GALC: variants seen among roughly 807,000 people sequenced by gnomAD.
GALC encodes galactocerebrosidase.
A neutral mutation model predicts 91.8 loss-of-function variants in GALC; 77 were observed. The ratio of observed to expected loss-of-function variants is 0.84; its 90% CI spans 0.70 to 1.01. GALC has a LOEUF of 1.01. Among genes scored for constraint, GALC ranks in the 50% least tolerant of loss-of-function variants. GALC has a pLI of 0.00. For synonymous variants in GALC, 357 were observed against 306.7 expected (o/e 1.16, Z -1.71); for missense variants, 882 against 855.9 (o/e 1.03, Z -0.38).
intron 16 of GALC, among the ~76,000 whole-genome samples, chr14:87,937,671 A>T (rs1884639586): frequency 6.6e-6 from 1 of 151,864 alleles, no homozygotes; most frequent in African/African-American, 2.4e-5. Flanking sequence ...GGGGTCAAGA[A>T]GAAGGAACAG....
rs532800656 is a variant in GALC at position 87,993,045 on chromosome 14, G to A, written c.120C>T (p.Gly40=). The part of the protein sequence containing the change: ...PLLLCALLAP[G]GAYVLDDSDG... Reference sequence around the variant, plus strand: ...CGGAGTCGTCGAGCACGTACGCGCCGCCGGGCGCCAGCAGCGCACACAGCA... The same window carrying A: ...CGGAGTCGTCGAGCACGTACGCGCCACCGGGCGCCAGCAGCGCACACAGCA... The change falls in exon 1 of 17, where the codon GGC becomes GGT. Residue 40 remains glycine (G), a synonymous_variant. Coordinates refer to ENST00000261304, the MANE Select transcript of GALC (RefSeq NM_000153.4). 4.7e-5 allele frequency: 73 copies of A among 1,556,094 alleles called. 1 individual carries two copies. In the Middle Eastern group the frequency reaches 1.8e-3, roughly 38 times the overall value.
chr14:87,953,139 G>A, intron 10 of GALC: 1 of 1,481,698 alleles, frequency 6.7e-7, no homozygotes. Context: ...CTTGAACACA[G>A]TAGATAAGCC....
rs183343181 is a variant in GALC, at chr14:87,948,952, C to G, written c.1338+893G>C. ...CCAATTCGTTCTTTGAAACCTTTCC[C>G]CAGAAAGCACCATGGATGAGGCACT... On this transcript the variant is annotated intron_variant, in intron 12 of 16. Coordinates refer to ENST00000261304, the MANE Select transcript of GALC (RefSeq NM_000153.4). 4.3e-4 allele frequency among the ~76,000 whole-genome samples: 65 copies of G among 152,068 alleles called. 1 individual carries two copies. In the East Asian group the frequency reaches 0.01, roughly 24 times the overall value.
intron 10 of GALC, among the ~76,000 whole-genome samples, chr14:87,951,633 A>G (rs553671951): frequency 2.0e-5 from 3 of 152,054 alleles, no homozygotes; most frequent in Admixed American, 2.0e-4. Flanking sequence ...CAAGTCACAC[A>G]AAGTACTTTT....
At chr14:87,945,856 C>A (rs955439957) in intron 13 of GALC, 123 bp from the exon 14 acceptor site, 2 of 763,568 alleles carry the variant, frequency 2.6e-6, no homozygotes, top group African/African-American at 1.8e-5. Context: ...AAAATCTAAA[C>A]CAAAGTTTAG....
At chr14:87,936,451 G>T (rs1421963538) in intron 16 of GALC, among the ~76,000 whole-genome samples, 1 of 151,206 alleles carries the variant, frequency 6.6e-6, no homozygotes, top group African/African-American at 2.4e-5. Context: ...TATTGTCTAT[G>T]GCTTTTTTAC....
At chr14:87,982,748 T>C (rs79844015) in intron 5 of GALC, among the ~76,000 whole-genome samples, 1 of 152,210 alleles carries the variant, frequency 6.6e-6, no homozygotes, top group Non-Finnish European at 1.5e-5. Flanking sequence ...GGAACATATA[T>C]ACATCTATTA....
chr14:87,955,736 T>C (rs898034539), intron 10 of GALC, among the ~76,000 whole-genome samples: 1 of 152,098 alleles, frequency 6.6e-6, no homozygotes, highest in Admixed American at 6.6e-5. Flanking sequence ...TTCAATTTAT[T>C]AAAGCGGGGA....
At chr14:87,941,184 T>C (rs1884833109) in intron 15 of GALC, among the ~76,000 whole-genome samples, 1 of 151,888 alleles carries the variant, frequency 6.6e-6, no homozygotes, top group Non-Finnish European at 1.5e-5. Context: ...TGTACAATTA[T>C]TTTCCCTTCC....
intron 1 of GALC, 145 bp from the exon 2 acceptor site, chr14:87,988,668 T>C: frequency 1.4e-6 from 1 of 708,392 alleles, no homozygotes; most frequent in Non-Finnish European, 2.6e-6. Flanking sequence ...AAGTTGTCTG[T>C]CTGCCCTTTC....
intron 6 of GALC, among the ~76,000 whole-genome samples, chr14:87,979,011 T>C (rs1886629743): frequency 1.3e-5 from 2 of 152,136 alleles, no homozygotes; most frequent in South Asian, 4.1e-4. Flanking sequence ...TCGTCATTAT[T>C]GAACTCTTTG....
upstream of GALC, chr14:87,993,545 G>A: frequency 2.2e-6 from 3 of 1,363,892 alleles, no homozygotes; most frequent in Non-Finnish European, 3.0e-6. Flanking sequence ...TGGACACCAG[G>A]TCCCGATTCC....
chr14:87,938,935 G>T (rs1884707650), intron 16 of GALC, among the ~76,000 whole-genome samples: 1 of 151,874 alleles, frequency 6.6e-6, no homozygotes, highest in African/African-American at 2.4e-5. Flanking sequence ...ACACAAATTT[G>T]CCAGAAAAAG....
At chr14:87,947,090 G>A (rs960476500) in intron 13 of GALC, among the ~76,000 whole-genome samples, 14 of 151,926 alleles carry the variant, frequency 9.2e-5, no homozygotes, top group Non-Finnish European at 1.8e-4. Context: ...GACCCTGTCT[G>A]TGAGACCCAT....
chr14:87,986,844 T>C lies in GALC; in HGVS notation c.329-242A>G, dbSNP rs537879621. The C allele has an allele frequency of 9.3e-5, 48 of 517,816 alleles. No homozygotes were observed. In the Middle Eastern group the frequency reaches 1.2e-3, roughly 13 times the overall value. 32.1% of individuals were successfully genotyped at this position (517,816 alleles called of 1,614,324 possible). On this transcript the variant is annotated intron_variant, in intron 3 of 16. Coordinates refer to ENST00000261304, the MANE Select transcript of GALC (RefSeq NM_000153.4). Reference sequence around the variant, plus strand: ...TCTTAATAAAACCACAACCTTCTATTACAAGCAGTACTGAGAGAAATGTTA... The same window carrying C: ...TCTTAATAAAACCACAACCTTCTATCACAAGCAGTACTGAGAGAAATGTTA...
In GALC at chr14:87,988,227, T is replaced by C. The variant is rs941961403; in HGVS notation, c.265-20A>G. On this transcript the variant is annotated intron_variant, in intron 2 of 16. Coordinates refer to ENST00000261304, the MANE Select transcript of GALC (RefSeq NM_000153.4). The stretch of plus-strand genomic sequence containing the variant: ...ATTCGGCTGTGAAAAGAAGTAACAG[T>C]ATTAACATAGTGTTGTATTGTATGA... The C allele has an allele frequency of 1.2e-6, 2 of 1,602,774 alleles. No homozygotes were observed.
At chr14:87,969,162 GA>G (rs1886178751) in intron 7 of GALC, among the ~76,000 whole-genome samples, 1 of 152,276 alleles carries the variant, frequency 6.6e-6, no homozygotes, top group East Asian at 1.9e-4. Context: ...TCCCTGGAGG[GA>G]ATATTTGGCA....
In GALC at chr14:87,939,991, AAAAAT is replaced by A. The variant is rs1472991750; in HGVS notation, c.1835-15_1835-11del. On this transcript the variant is annotated splice_polypyrimidine_tract_variant and intron_variant, in intron 15 of 16. Transcript: ENST00000261304. ...TATATAATCCATCCAGCTGTAACAC[AAAAAT>A]ATTATCCCAATAGATATAATTTTGA... 4 of 1,596,234 alleles carry A rather than the reference AAAAAT, an allele frequency of 2.5e-6. No individual in the cohort carries two copies. The African/African-American group carries it at 5.4e-5, about 21-fold the overall frequency.
chr14:87,947,986 G>C (rs1056383690), intron 12 of GALC, 108 bp from the exon 13 acceptor site: 5 of 946,898 alleles, frequency 5.3e-6, no homozygotes, highest in Admixed American at 4.4e-5. Flanking sequence ...AATCATTTCT[G>C]TTAGAACTTC....
Sources: allele counts gnomAD v4.1 joint callset (sites outside exome capture counted in the v4.1 genomes callset), GRCh38; gene constraint gnomAD v4.1.1; transcripts MANE v1.5; gene names NCBI Gene and HGNC (gene_info 2026-07-23, HGNC 2026-07-21).